The following SH3TC1 variants were observed in gnomAD, a reference collection of about 807,000 sequenced individuals.
SH3TC1 encodes SH3 domain and tetratricopeptide repeat-containing protein 1.
Under a neutral mutation model 117.3 loss-of-function variants are expected in SH3TC1, and 135 were observed. The observed-to-expected ratio is 1.15, with a 90% CI of 1.00 to 1.33. The LOEUF (loss-of-function observed/expected upper bound fraction) is 1.33. SH3TC1 is among the 40% of genes most tolerant of loss of function. SH3TC1 has a pLI of 0.00. For synonymous variants in SH3TC1, 898 were observed against 816.9 expected, an observed-to-expected ratio of 1.10 and a Z score of -1.69; for missense variants, 2,092 against 1,794.3, an observed-to-expected ratio of 1.17 and a Z score of -3.00.
At chr4:8,234,308 A>G (rs1159553672) in intron 14 of SH3TC1, among the ~76,000 whole-genome samples, 1 of 149,128 alleles carries the variant, frequency 6.7e-6, no homozygotes, top group East Asian at 2.0e-4. Flanking sequence ...CCACCCACCC[A>G]TCTACCCATT....
At chr4:8,230,621 C>T (rs763537655) in intron 12 of SH3TC1, among the ~76,000 whole-genome samples, 1 of 152,074 alleles carries the variant, frequency 6.6e-6, no homozygotes, top group Non-Finnish European at 1.5e-5. Context: ...TCCTTTTACT[C>T]GCTTTGGGTT....
At chr4:8,231,948 G>T in intron 12 of SH3TC1, 28 bp from the exon 13 acceptor site, 1 of 1,606,388 alleles carries the variant, frequency 6.2e-7, no homozygotes, top group Non-Finnish European at 8.5e-7. Flanking sequence ...CTGGGAGGCT[G>T]ACGTCTTCCT....
intron 1 of SH3TC1, among the ~76,000 whole-genome samples, chr4:8,191,635 A>G (rs1717418354): frequency 6.6e-6 from 1 of 152,212 alleles, no homozygotes; most frequent in Non-Finnish European, 1.5e-5. Context: ...ACGGGGCTCC[A>G]GGCTAGCGGC....
chr4:8,217,579 C>CG (rs1015395003), intron 7 of SH3TC1, among the ~76,000 whole-genome samples: 5 of 152,180 alleles, frequency 3.3e-5, no homozygotes, highest in African/African-American at 1.2e-4. Context: ...CTTGCTGAAG[C>CG]GGGGGGCATT....
chr4:8,222,206 T>C (rs1177629568), intron 9 of SH3TC1, among the ~76,000 whole-genome samples: 3 of 151,938 alleles, frequency 2.0e-5, no homozygotes, highest in African/African-American at 7.3e-5. Flanking sequence ...CACAGGGGAC[T>C]TCATAAGGGA....
Position 8,227,482 on chromosome 4 carries a change from C to A in SH3TC1, c.1788C>A (p.Asp596Glu). The stretch of plus-strand genomic sequence containing the variant: ...GGGCCCTGGAGGGCAGCTTCGGGGA[C>A]CTGTTCCTAGTGGTGGCTGTGTACG... ...ALGALEGSFG[D>E]LFLVVAVYAN... The change falls in exon 12 of 18, where the codon GAC becomes GAA. Residue 596 changes from aspartate (D) to glutamate (E), a missense_variant. Physicochemically the swap from Asp to Glu is conservative, Grantham distance 45 (BLOSUM62 2). Transcript: ENST00000245105. 1 of 1,564,700 alleles carries A rather than the reference C, an allele frequency of 6.4e-7. No individual in the cohort carries two copies. The highest frequency in any genetic ancestry group is 8.6e-7 in the Non-Finnish European group (1 of 1,161,106).
Position 8,236,285 on chromosome 4 carries a change from C to T in SH3TC1, c.3413C>T (p.Ala1138Val). 6.4e-7 allele frequency: 1 copy of T among 1,552,176 alleles called. No homozygotes were observed. Among genetic ancestry groups the T allele is most frequent in the South Asian group, 1.2e-5 (1 of 84,236 alleles). The change falls in exon 16 of 18, where the codon GCC becomes GTC. Residue 1138 changes from alanine (A) to valine (V), a missense_variant. Ala to Val is a moderately conservative substitution (Grantham distance 64). Transcript: ENST00000245105. Reference sequence around the variant, plus strand: ...CACCTGCCTGTGTGGCAGGACCGGGCCCTGCCCCTGGCAGTGACTACGGGC... The same window carrying T: ...CACCTGCCTGTGTGGCAGGACCGGGTCCTGCCCCTGGCAGTGACTACGGGC... ...EKAVSFYRDR[A>V]LPLAVTTGNR...
chr4:8,237,406 T>C, intron 16 of SH3TC1, 68 bp from the exon 17 acceptor site: 1 of 1,316,502 alleles, frequency 7.6e-7, no homozygotes. Context: ...AGCCAGGTGC[T>C]GCCGGGGTCT....
intron 1 of SH3TC1, among the ~76,000 whole-genome samples, chr4:8,204,223 C>T (rs144236665): frequency 2.3e-4 from 35 of 152,322 alleles, no homozygotes; most frequent in African/African-American, 3.4e-4. Context: ...GTCCACGCAC[C>T]GGAAAGTCTG....
chr4:8,234,331 C>T (rs1578747667), intron 14 of SH3TC1, among the ~76,000 whole-genome samples: 1 of 151,908 alleles, frequency 6.6e-6, no homozygotes, highest in East Asian at 1.9e-4. Context: ...TCCATCCCTC[C>T]ATTCGTCTGT....
Position 8,227,469 on chromosome 4 carries a change from G to T in SH3TC1, c.1775G>T (p.Gly592Val). 6.4e-7 allele frequency: 1 copy of T among 1,565,170 alleles called. No individual in the cohort carries two copies. Among genetic ancestry groups the T allele is most frequent in the Non-Finnish European group, 8.6e-7 (1 of 1,160,870 alleles). Residue 592 changes from glycine (G) to valine (V), a missense_variant, in exon 12 of 18, where the codon GGC becomes GTC. Transcript: ENST00000245105. ...YFEEALGALEGSFGDLFLVVA... is the reference protein window; with the variant it reads ...YFEEALGALEVSFGDLFLVVA... ...GAGGAAGCGCTGGGGGCCCTGGAGG[G>T]CAGCTTCGGGGACCTGTTCCTAGTG...
At chr4:8,233,065 G>C in intron 13 of SH3TC1, 1 of 1,258,766 alleles carries the variant, frequency 7.9e-7, no homozygotes, top group Non-Finnish European at 1.0e-6. Context: ...GATGGCTCCT[G>C]GTGCGTCTAG....
chr4:8,233,591 T>C (rs899394375), intron 14 of SH3TC1, 78 bp downstream of exon 14: 21 of 1,451,342 alleles, frequency 1.4e-5, no homozygotes, highest in Middle Eastern at 2.6e-4. Flanking sequence ...ATGATGATGA[T>C]AGATGATCCT....
intron 12 of SH3TC1, among the ~76,000 whole-genome samples, chr4:8,229,885 A>AG (rs1384490311): frequency 2.0e-5 from 3 of 151,746 alleles, no homozygotes; most frequent in Non-Finnish European, 4.4e-5. Context: ...TTGGAAACGC[A>AG]GGCCAGGGAA....
At chr4:8,216,535 T>C (rs1437347977) in intron 6 of SH3TC1, among the ~76,000 whole-genome samples, 1 of 152,162 alleles carries the variant, frequency 6.6e-6, no homozygotes, top group African/African-American at 2.4e-5. Context: ...GTCTCTGACA[T>C]GGCTGCTGCC....
intron 1 of SH3TC1, among the ~76,000 whole-genome samples, chr4:8,193,138 C>A (rs1411679813): frequency 6.6e-6 from 1 of 152,244 alleles, no homozygotes; most frequent in African/African-American, 2.4e-5. Flanking sequence ...GCCAAATACG[C>A]ATCCCCCGGC....
At chr4:8,236,451 C>T (rs927123806) in intron 16 of SH3TC1, 23 bp downstream of exon 16, 8 of 1,421,142 alleles carry the variant, frequency 5.6e-6, no homozygotes, top group Admixed American at 5.7e-5. Context: ...AGCCCCTGCC[C>T]TGCCAGGACC....
rs374013419 is a variant in SH3TC1 at position 8,235,554 on chromosome 4, G to C, written c.3404G>C (p.Arg1135Pro). Reference protein sequence around the residue: ...WEREKAVSFYRDRALPLAVTT... With the variant: ...WEREKAVSFYPDRALPLAVTT... ...CGGGAGAAAGCTGTGTCCTTCTACC[G>C]GGTGAGCTGGCCTGTGGGCTGATGT... Residue 1135 changes from arginine (R) to proline (P), a missense_variant and splice_region_variant, in exon 15 of 18, where the codon CGG (arginine) becomes CCG (proline). Coordinates refer to ENST00000245105, the MANE Select transcript of SH3TC1 (RefSeq NM_018986.5). 13 of 1,594,276 alleles carry C rather than the reference G, an allele frequency of 8.2e-6. No individual in the cohort carries two copies. The highest frequency in any genetic ancestry group is 1.0e-5 in the Non-Finnish European group (12 of 1,169,198).
chr4:8,193,056 T>G (rs1281115), intron 1 of SH3TC1, among the ~76,000 whole-genome samples: 2 of 152,370 alleles, frequency 1.3e-5, no homozygotes, highest in South Asian at 2.1e-4. Context: ...TGGCCACACC[T>G]GTTCACTTAC....
Sources: allele counts gnomAD v4.1 joint callset (sites outside exome capture counted in the v4.1 genomes callset), GRCh38; gene constraint gnomAD v4.1.1; transcripts MANE v1.5; gene names NCBI Gene and HGNC (gene_info 2026-07-23, HGNC 2026-07-21).